The following KIF19 variants were observed in gnomAD, a reference collection of about 807,000 sequenced individuals.
KIF19 encodes kinesin family member 19.
A neutral mutation model predicts 106.6 loss-of-function variants in KIF19; 98 were observed. The observed-to-expected ratio is 0.92, with a 90% CI of 0.78 to 1.09. The LOEUF is 1.09. Ranked by LOEUF, KIF19 falls within the 50% of genes least tolerant of loss-of-function variation. The pLI is 0.00. For missense variants in KIF19, 1,373 were observed against 1,414.3 expected (o/e 0.97, Z 0.47); for synonymous variants, 516 against 584.2 (o/e 0.88, Z 1.68).
rs1347177852 is a variant in KIF19, at chr17:74,350,792, G to T, written c.1474G>T (p.Asp492Tyr). 1.9e-6 allele frequency: 3 copies of T among 1,614,042 alleles called. No individual in the cohort carries two copies. In the South Asian group the frequency reaches 3.3e-5, roughly 18 times the overall value. The change falls in exon 12 of 20, where the codon GAC becomes TAC. Residue 492 changes from aspartate to tyrosine, a missense_variant. Physicochemically the swap from Asp to Tyr is radical, Grantham distance 160. Around this residue, in one of 3 missense-constraint regions of KIF19, gnomAD observed 1,020 missense variants for 1,008.2 expected, o/e 1.01. Coordinates refer to ENST00000389916, the MANE Select transcript of KIF19 (RefSeq NM_153209.4). ...CTACGCTAAGGACGACAGCGAGAAG[G>T]ACTCAGACACAGGTGATGACCAACC... Reference protein sequence around the residue: ...ECYAKDDSEKDSDTGDDQPDI... With the variant: ...ECYAKDDSEKYSDTGDDQPDI...
rs2054089001 is a variant in KIF19 at position 74,331,801 on chromosome 17, T to C, written c.120+3296T>C. Among the ~76,000 whole-genome samples, 1 of 152,074 alleles carries C rather than the reference T, an allele frequency of 6.6e-6. No homozygotes were observed. The highest frequency in any genetic ancestry group is 2.4e-5 in the African/African-American group (1 of 41,408). On this transcript the variant is annotated intron_variant, in intron 2 of 19. Transcript: ENST00000389916. This position sits in a 1 kb window ranked among gnomAD's most constrained non-coding sequence, Gnocchi z 4.1. Reference sequence around the variant, plus strand: ...TATGGTGGCCAGGCTGGTCTCGAACTCCTGACCTCAAGTGATACACCCGCC... The same window carrying C: ...TATGGTGGCCAGGCTGGTCTCGAACCCCTGACCTCAAGTGATACACCCGCC...
rs960155693 is a variant in KIF19, at chr17:74,344,674, C to T, written c.583-87C>T. On this transcript the variant is annotated intron_variant, in intron 6 of 19. Coordinates refer to ENST00000389916, the MANE Select transcript of KIF19 (RefSeq NM_153209.4). ...CTTTCCCAACTGCTCAGACATAGGACCCTCCCTGCTAGCCCCCTCAGGGGC... is the reference window on the plus strand; with the variant it reads ...CTTTCCCAACTGCTCAGACATAGGATCCTCCCTGCTAGCCCCCTCAGGGGC... The T allele has an allele frequency of 2.9e-6, 4 of 1,376,222 alleles. No individual in the cohort carries two copies. The Admixed American group carries it at 6.4e-5, about 22-fold the overall frequency. 85.3% of individuals were successfully genotyped at this position (1,376,222 alleles called of 1,614,324 possible).
At chr17:74,334,196 T>C (rs1444262890) in intron 2 of KIF19, among the ~76,000 whole-genome samples, 1 of 152,054 alleles carries the variant, frequency 6.6e-6, no homozygotes, top group Non-Finnish European at 1.5e-5. Context: ...GTTTATCCTT[T>C]CATCAGTTGA....
chr17:74,354,161 G>T lies in KIF19; in HGVS notation c.2309-1G>T. The T allele has an allele frequency of 6.2e-7, 1 of 1,603,108 alleles. No homozygotes were observed. On this transcript the variant is annotated splice_acceptor_variant, in intron 17 of 19. Coordinates refer to ENST00000389916, the MANE Select transcript of KIF19 (RefSeq NM_153209.4). LOFTEE classifies it high-confidence loss of function. ...TGTATGTTCCCCGTGTCCCGCTGCA[G>T]AGAGGAAGGAGATCCTGACTGGCAC... is the stretch of plus-strand genomic sequence containing the variant.
rs1384986172 is a variant in KIF19, at chr17:74,349,301, G to A, written c.1165G>A (p.Gly389Ser). The stretch of plus-strand genomic sequence containing the variant: ...CAAGATTGATGAGCAGACTGGGCGG[G>A]GCCAGGCCCGGGGCCGGCAGGATCG... Reference protein sequence around the residue: ...KRKIDEQTGRGQARGRQDRGD... With the variant: ...KRKIDEQTGRSQARGRQDRGD... Residue 389 changes from glycine to serine, a missense_variant, in exon 10 of 20, where the codon GGC (glycine) becomes AGC (serine). Coordinates refer to ENST00000389916, the MANE Select transcript of KIF19 (RefSeq NM_153209.4). The A allele has an allele frequency of 1.9e-6, 3 of 1,611,532 alleles. No individual in the cohort carries two copies. In the Admixed American group the frequency reaches 5.0e-5, roughly 27 times the overall value.
chr17:74,326,734 C>T (rs989112475), intron 1 of KIF19, among the ~76,000 whole-genome samples: 2 of 152,156 alleles, frequency 1.3e-5, no homozygotes, highest in Admixed American at 6.5e-5. Flanking sequence ...TAACTGCCCC[C>T]AGAAGGAGGG....
At chr17:74,332,222 G>GTT (rs1169539956) in intron 2 of KIF19, among the ~76,000 whole-genome samples, 29 of 126,686 alleles carry the variant, frequency 2.3e-4, no homozygotes, top group South Asian at 1.4e-3. Context: ...GTGTGTGTGT[G>GTT]TGTGTGTGTG....
intron 2 of KIF19, among the ~76,000 whole-genome samples, chr17:74,330,019 A>G (rs1176884936): frequency 6.6e-6 from 1 of 152,232 alleles, no homozygotes; most frequent in Non-Finnish European, 1.5e-5. Flanking sequence ...GGCCCACTCA[A>G]GCCTCTTTCT....
rs766944502 is a variant in KIF19, at chr17:74,353,246, GCTC to G, written c.2169_2171del (p.Ser724del). 22 of 1,586,572 alleles carry G rather than the reference GCTC, an allele frequency of 1.4e-5. No individual in the cohort carries two copies. In the African/African-American group the frequency reaches 2.4e-4, roughly 17 times the overall value. On this transcript the variant is annotated inframe_deletion, in exon 16 of 20. Coordinates refer to ENST00000389916, the MANE Select transcript of KIF19 (RefSeq NM_153209.4). ...GGTACTGGGGCCTGGCAGGCAAAAA[GCTC>G]CTCTGTGCCCACCCCACCTCCCATC...
At position 74,342,145 on chromosome 17, in the gene KIF19, T is replaced by G. The variant is rs563541175; in HGVS notation, c.231+159T>G. Among the ~76,000 whole-genome samples the G allele has an allele frequency of 2.5e-4, 38 of 152,262 alleles. 1 individual carries two copies. In the East Asian group the frequency reaches 7.4e-3, roughly 30 times the overall value. ...CCTTCCCCATTCAGGAAGGTTCTCA[T>G]GCACACAAGGCACACACACCCGGCC... On this transcript the variant is annotated intron_variant, in intron 3 of 19. Transcript: ENST00000389916.
In KIF19 at chr17:74,328,483, T is replaced by C. The variant is rs1458884902; in HGVS notation, c.98T>C (p.Ile33Thr). 6.2e-7 allele frequency: 1 copy of C among 1,608,178 alleles called. No homozygotes were observed. The highest frequency in any genetic ancestry group is 1.3e-5 in the African/African-American group (1 of 74,794). Residue 33 changes from isoleucine to threonine, a missense_variant, in exon 2 of 20, where the codon ATC becomes ACC. Physicochemically the swap from Ile to Thr is moderately conservative, Grantham distance 89. Coordinates refer to ENST00000389916, the MANE Select transcript of KIF19 (RefSeq NM_153209.4). ...GAGCTGGAGGAAGGAGCTACCCTCA[T>C]CGCCCATAAAGTGGATGAGCAGGTA... is the stretch of plus-strand genomic sequence containing the variant. ...VAELEEGATL[I>T]AHKVDEQMVV...
At chr17:74,342,102 C>T (rs554886657) in intron 3 of KIF19, 116 bp downstream of exon 3, 54 of 726,902 alleles carry the variant, frequency 7.4e-5, no homozygotes, top group South Asian at 6.5e-4. Context: ...TCCACCTGCT[C>T]ACCCTCTGTT....
rs1381095331 is a variant in KIF19 at position 74,342,993 on chromosome 17, C to T, written c.320-31C>T. The T allele has an allele frequency of 1.9e-6, 3 of 1,571,514 alleles. No individual in the cohort carries two copies. In the East Asian group the frequency reaches 7.0e-5, roughly 37 times the overall value. On this transcript the variant is annotated intron_variant, in intron 4 of 19. Coordinates refer to ENST00000389916, the MANE Select transcript of KIF19 (RefSeq NM_153209.4). ...AGCAAGGCCTCCCTCCCAGCCCCAC[C>T]CCGGTCACCCTCCACCTTGTTCTGC...
intron 7 of KIF19, 80 bp downstream of exon 7, chr17:74,345,035 G>A (rs530018088): frequency 4.2e-5 from 56 of 1,321,044 alleles, no homozygotes; most frequent in Middle Eastern, 5.2e-4. Flanking sequence ...TGACTCCCAT[G>A]CAAGGCCAGC....
intron 2 of KIF19, 62 bp from the exon 3 acceptor site, chr17:74,341,814 T>A (rs1421118920): frequency 1.2e-5 from 13 of 1,103,958 alleles, no homozygotes; most frequent in Non-Finnish European, 1.8e-5. Context: ...TTCCTGAGGG[T>A]TGACCTCATC....
In KIF19 at chr17:74,352,846, C is replaced by T; in HGVS notation, c.2006C>T (p.Pro669Leu). 1 of 1,614,006 alleles carries T rather than the reference C, an allele frequency of 6.2e-7. No individual in the cohort carries two copies. Among genetic ancestry groups the T allele is most frequent in the Non-Finnish European group, 8.5e-7 (1 of 1,179,886 alleles). Residue 669 changes from proline to leucine, a missense_variant, in exon 15 of 20, where the codon CCA (proline) becomes CTA (leucine). Coordinates refer to ENST00000389916, the MANE Select transcript of KIF19 (RefSeq NM_153209.4). ...LQDSSLPKIT[P>L]AGTSLTPDSD... ...GACAGCTCCTTGCCCAAAATTACCCCAGCAGGAACCTCACTGACCCCAGAT... is the reference window on the plus strand; with the variant it reads ...GACAGCTCCTTGCCCAAAATTACCCTAGCAGGAACCTCACTGACCCCAGAT...
intron 6 of KIF19, among the ~76,000 whole-genome samples, 193 bp from the exon 7 acceptor site, chr17:74,344,568 A>T (rs112097699): frequency 4.5e-4 from 68 of 152,270 alleles, no homozygotes; most frequent in African/African-American, 1.5e-3. Context: ...CTCTCCATTT[A>T]CACAGAGACC....
intron 7 of KIF19, 128 bp downstream of exon 7, chr17:74,345,083 C>G (rs1303889497): frequency 5.5e-6 from 5 of 906,362 alleles, no homozygotes; most frequent in Non-Finnish European, 6.5e-6. Flanking sequence ...GAGGTGGGGA[C>G]AGGGACGCTG....
chr17:74,351,799 A>C, intron 12 of KIF19, 68 bp from the exon 13 acceptor site: 1 of 1,359,038 alleles, frequency 7.4e-7, no homozygotes, highest in Non-Finnish European at 9.4e-7. Flanking sequence ...TGGAGGGTCG[A>C]GGACGAGCTG....
Sources: gnomAD v4.1 joint callset for allele counts (sites outside exome capture counted in the v4.1 genomes callset) on GRCh38, gnomAD v4.1.1 for gene constraint, gnomAD v4.1.1 regional missense constraint, Gnocchi (gnomAD v3.1) non-coding constraint, MANE v1.5 for transcripts, NCBI Gene and HGNC (gene_info 2026-07-23, HGNC 2026-07-21) for gene names.